The following WDR17 variants were observed in gnomAD, a reference collection of about 807,000 sequenced individuals.
WDR17 encodes the protein WD repeat-containing protein 17.
WDR17 carries 143 observed loss-of-function variants against 161.7 expected under a neutral mutation model. The observed-to-expected ratio is 0.88, with a 90% confidence interval of 0.77 to 1.02. WDR17 has a LOEUF of 1.02. Among genes scored for constraint, WDR17 ranks in the 50% least tolerant of loss-of-function variants. The pLI is 0.00. For missense variants in WDR17, 1,469 were observed against 1,520.9 expected (o/e 0.97, Z 0.57); for synonymous variants, 517 against 515.6 (o/e 1.00, Z -0.04).
intron 1 of WDR17, among the ~76,000 whole-genome samples, chr4:176,074,702 A>G (rs911550562): frequency 3.3e-5 from 5 of 150,316 alleles, no homozygotes; most frequent in African/African-American, 7.4e-5. Flanking sequence ...TGATTCTCCA[A>G]CCTTATCCTC....
chr4:176,098,474 T>C (rs1737253928), intron 1 of WDR17, among the ~76,000 whole-genome samples: 1 of 152,040 alleles, frequency 6.6e-6, no homozygotes, highest in African/African-American at 2.4e-5. Flanking sequence ...GATTTATATT[T>C]AAAATATAGA....
chr4:176,163,404 T>C (rs1749332879), intron 22 of WDR17, 111 bp downstream of exon 22: 2 of 1,188,832 alleles, frequency 1.7e-6, no homozygotes, highest in Admixed American at 5.6e-5. Flanking sequence ...GATCACCTTG[T>C]TTATAAAGGA....
In WDR17 at chr4:176,115,914, A is replaced by G. The variant is rs1275090550; in HGVS notation, c.242A>G (p.Asp81Gly). 2 of 1,611,084 alleles carry G rather than the reference A, an allele frequency of 1.2e-6. No individual in the cohort carries two copies. The highest frequency in any genetic ancestry group is 2.2e-5 in the South Asian group (2 of 90,664). ...GATCTGTTTGCAAGTGGCAGTACTG[A>G]TAATTTAGTGATCATTTGGAATGTT... ...NPDLFASGST[D>G]NLVIIWNVAE... is the part of the protein sequence containing the mutation. The change falls in exon 3 of 29, where the codon GAT becomes GGT. Residue 81 changes from aspartate (D) to glycine (G), a missense_variant. Physicochemically the swap from Asp to Gly is moderately conservative, Grantham distance 94. Transcript: ENST00000508596.
Position 176,119,992 on chromosome 4 carries a change from G to A in WDR17, c.433G>A (p.Ala145Thr). 1 of 1,614,030 alleles carries A rather than the reference G, an allele frequency of 6.2e-7. No homozygotes were observed. The highest frequency in any genetic ancestry group is 8.5e-7 in the Non-Finnish European group (1 of 1,180,002). ...TAGTGGAGTGATTGTACACAAAGAT[G>A]CTCATAGCTTCTTGTCTGATATCTG... ...PDSGVIVHKD[A>T]HSFLSDICMF... The change falls in exon 4 of 29, where the codon GCT (alanine) becomes ACT (threonine). Residue 145 changes from alanine (A) to threonine (T), a missense_variant. By Grantham distance (58) the Ala-to-Thr change is moderately conservative (BLOSUM62 0). Coordinates refer to ENST00000508596, the MANE Select transcript of WDR17 (RefSeq NM_181265.4).
chr4:176,139,546 A>T (rs183098141), intron 9 of WDR17, among the ~76,000 whole-genome samples: 5 of 152,118 alleles, frequency 3.3e-5, no homozygotes, highest in African/African-American at 1.2e-4. Context: ...AACTGTTTTC[A>T]TCACCATACT....
At chr4:176,096,007 A>C (rs1183762126) in intron 1 of WDR17, among the ~76,000 whole-genome samples, 3 of 152,146 alleles carry the variant, frequency 2.0e-5, no homozygotes, top group African/African-American at 7.2e-5. Context: ...CAATTAACTT[A>C]AATGTAAAAT....
intron 18 of WDR17, among the ~76,000 whole-genome samples, chr4:176,158,143 AG>A (rs1394791521): frequency 6.6e-6 from 1 of 152,214 alleles, no homozygotes; most frequent in African/African-American, 2.4e-5. Flanking sequence ...TAGGGTAGAA[AG>A]TGATGTGATC....
Position 176,119,929 on chromosome 4 carries a change from A to C in WDR17, c.370A>C (p.Arg124=). The C allele has an allele frequency of 6.2e-7, 1 of 1,614,126 alleles. No individual in the cohort carries two copies. The highest frequency in any genetic ancestry group is 8.5e-7 in the Non-Finnish European group (1 of 1,180,006). The part of the protein sequence containing the change: ...AEDVVAFVSH[R]GPLFIWTISG... ...GGATGTGGTGGCATTTGTTTCCCACAGAGGCCCACTGTTCATTTGGACCAT... is the reference window on the plus strand; with the variant it reads ...GGATGTGGTGGCATTTGTTTCCCACCGAGGCCCACTGTTCATTTGGACCAT... The change falls in exon 4 of 29, where the codon AGA becomes CGA. Residue 124 remains arginine (R), a synonymous_variant. Transcript: ENST00000508596.
At position 176,119,920 on chromosome 4, in the gene WDR17, G is replaced by T. The variant is rs1741274625; in HGVS notation, c.361G>T (p.Val121Phe). ...CWNAEDVVAF[V>F]SHRGPLFIWT... ...GAATGCAGAGGATGTGGTGGCATTT[G>T]TTTCCCACAGAGGCCCACTGTTCAT... is the stretch of plus-strand genomic sequence containing the variant. Residue 121 changes from valine (V) to phenylalanine (F), a missense_variant, in exon 4 of 29, where the codon GTT (valine) becomes TTT (phenylalanine). By Grantham distance (50) the Val-to-Phe change is conservative. Transcript: ENST00000508596. 1.2e-6 allele frequency: 2 copies of T among 1,613,920 alleles called. No homozygotes were observed. Among genetic ancestry groups the T allele is most frequent in the Admixed American group, 1.7e-5 (1 of 59,998 alleles).
chr4:176,097,046 C>T (rs960632585), intron 1 of WDR17, among the ~76,000 whole-genome samples: 10 of 151,646 alleles, frequency 6.6e-5, no homozygotes, highest in Admixed American at 2.0e-4. Flanking sequence ...AATTTTTAGG[C>T]GGTTAATTAA....
chr4:176,111,332 T>C (rs533790458), intron 1 of WDR17: 13 of 264,318 alleles, frequency 4.9e-5, no homozygotes, highest in Admixed American at 4.2e-4. Context: ...CTTGGCCAAA[T>C]GTCAGCTGTC....
intron 1 of WDR17, among the ~76,000 whole-genome samples, chr4:176,067,310 T>A (rs961414689): frequency 2.6e-5 from 4 of 152,240 alleles, no homozygotes; most frequent in Non-Finnish European, 4.4e-5. Flanking sequence ...TTGGGAAACA[T>A]CCTTTACTGG....
intron 26 of WDR17, among the ~76,000 whole-genome samples, chr4:176,176,236 G>T (rs1289315562): frequency 1.3e-5 from 2 of 152,184 alleles, no homozygotes; most frequent in Admixed American, 1.3e-4. Flanking sequence ...AAGGGCAGGA[G>T]AGACTTGAGA....
chr4:176,149,768 A>G (rs756094374), intron 13 of WDR17, 39 bp from the exon 14 acceptor site: 2 of 1,597,494 alleles, frequency 1.3e-6, no homozygotes, highest in South Asian at 1.1e-5. Flanking sequence ...ATATTTTTCA[A>G]TGTTCACTTT....
intron 1 of WDR17, among the ~76,000 whole-genome samples, chr4:176,080,543 G>A (rs1734609510): frequency 1.3e-5 from 2 of 152,098 alleles, no homozygotes; most frequent in South Asian, 4.1e-4. Flanking sequence ...CAGGAGGGTG[G>A]ATTCAACTGT....
Position 176,150,276 on chromosome 4 carries a change from G to A in WDR17, c.2178+103G>A. ...TTTACATGTACCATTCTAATTCATT[G>A]GGTAACTCTTACCATAATCTGTGCA... On this transcript the variant is annotated intron_variant, in intron 15 of 28. Coordinates refer to ENST00000508596, the MANE Select transcript of WDR17 (RefSeq NM_181265.4). The A allele has an allele frequency of 2.0e-6, 3 of 1,515,844 alleles. No homozygotes were observed. In the South Asian group the frequency reaches 3.9e-5, roughly 20 times the overall value. 93.9% of individuals were successfully genotyped at this position (1,515,844 alleles called of 1,614,324 possible).
intron 8 of WDR17, among the ~76,000 whole-genome samples, chr4:176,135,698 T>C (rs1010441488): frequency 2.0e-5 from 3 of 151,608 alleles, no homozygotes; most frequent in South Asian, 2.1e-4. Flanking sequence ...CTTTGAAGTA[T>C]TGAAGAACTT....
chr4:176,172,283 T>G (rs1232738605), intron 23 of WDR17, 92 bp from the exon 24 acceptor site: 1 of 1,163,034 alleles, frequency 8.6e-7, no homozygotes, highest in Admixed American at 2.8e-5. Context: ...AAGAAAACCA[T>G]ACTAGGAAAG....
At chr4:176,106,413 C>T (rs1012718711) in intron 1 of WDR17, among the ~76,000 whole-genome samples, 22 of 151,916 alleles carry the variant, frequency 1.4e-4, no homozygotes, top group African/African-American at 3.1e-4. Flanking sequence ...GCTGGGAAAA[C>T]GAAATATCCA....
Sources: allele counts gnomAD v4.1 joint callset (sites outside exome capture counted in the v4.1 genomes callset), GRCh38; gene constraint gnomAD v4.1.1; transcripts MANE v1.5; gene names NCBI Gene and HGNC (gene_info 2026-07-23, HGNC 2026-07-21).